BOP1: variants seen among roughly 807,000 people sequenced by gnomAD.
BOP1 encodes ribosome biogenesis protein BOP1.
A neutral mutation model predicts 82.9 loss-of-function variants in BOP1; 54 were observed. That is an observed-to-expected ratio of 0.65 (90% CI 0.52 to 0.82). The LOEUF (loss-of-function observed/expected upper bound fraction) is 0.82. BOP1 is among the 40% of genes least tolerant of loss of function. The probability of loss-of-function intolerance (pLI) is 0.00; values close to 1 mark genes in which losing one functional copy is unlikely to be tolerated. For synonymous variants in BOP1, 566 were observed against 451.1 expected (o/e 1.25, Z -3.23); for missense variants, 1,170 against 1,072.0 (o/e 1.09, Z -1.28).
intron 3 of BOP1, chr8:144,268,317 C>G: frequency 2.2e-6 from 2 of 902,928 alleles, no homozygotes; most frequent in Non-Finnish European, 3.3e-6. Context: ...CAGACAGGCG[C>G]CGGCAGCGGG....
intron 2 of BOP1, among the ~76,000 whole-genome samples, chr8:144,280,460 C>A (rs895739958): frequency 2.0e-5 from 3 of 152,278 alleles, no homozygotes. Flanking sequence ...AGCAACGCGG[C>A]CTGCCACCTG....
chr8:144,285,497 G>A (rs1814842309), intron 2 of BOP1, among the ~76,000 whole-genome samples: 1 of 152,214 alleles, frequency 6.6e-6, no homozygotes, highest in Non-Finnish European at 1.5e-5. Context: ...TCCTTCAGGG[G>A]CTGCCAGGCA....
chr8:144,266,938 C>T, intron 3 of BOP1: 1 of 1,559,734 alleles, frequency 6.4e-7, no homozygotes, highest in Non-Finnish European at 8.6e-7. Flanking sequence ...GCCCGCCGAC[C>T]GCAAGCTCTC....
chr8:144,280,669 A>G (rs1845654423), intron 2 of BOP1, among the ~76,000 whole-genome samples: 2 of 152,322 alleles, frequency 1.3e-5, no homozygotes, highest in East Asian at 1.9e-4. Context: ...ACTGGCCTAC[A>G]TGGAAAACCC....
chr8:144,279,308 G>A (rs1845632236), intron 2 of BOP1, among the ~76,000 whole-genome samples: 1 of 149,056 alleles, frequency 6.7e-6, no homozygotes, highest in Admixed American at 6.7e-5. Context: ...ATACCACCAT[G>A]GGCCCTGACG....
chr8:144,262,726 T>A, intron 13 of BOP1, 54 bp from the exon 14 acceptor site: 1 of 1,542,982 alleles, frequency 6.5e-7, no homozygotes, highest in Non-Finnish European at 8.8e-7. Context: ...CAGGGTGCAC[T>A]GCCCTGCCCG....
At chr8:144,287,977 A>G (rs1437797164) in intron 2 of BOP1, among the ~76,000 whole-genome samples, 1 of 152,018 alleles carries the variant, frequency 6.6e-6, no homozygotes, top group African/African-American at 2.4e-5. Context: ...TAGAGTAACA[A>G]ATGCTGGGCT....
At chr8:144,266,667 G>C (rs1292322320) in intron 3 of BOP1, 12 of 1,263,292 alleles carry the variant, frequency 9.5e-6, no homozygotes, top group Non-Finnish European at 1.2e-5. Flanking sequence ...TGTACCCCGA[G>C]GTGAGCCCGC....
At chr8:144,279,093 C>T (rs1427148866) in intron 2 of BOP1, among the ~76,000 whole-genome samples, 3 of 40,232 alleles carry the variant, frequency 7.5e-5, no homozygotes, top group African/African-American at 3.7e-4. Flanking sequence ...CCACCAAGGG[C>T]CATGACCGTC....
In BOP1 at chr8:144,264,500, G is replaced by A. The variant is rs1236581754; in HGVS notation, c.765+15C>T. Reference sequence around the variant, plus strand: ...CGGTCAGCCCAGGCCAAGCCCCAGGGGCTGTGTGCCCCACCTTCTCCTTCT... The same window carrying A: ...CGGTCAGCCCAGGCCAAGCCCCAGGAGCTGTGTGCCCCACCTTCTCCTTCT... On this transcript the variant is annotated intron_variant, in intron 6 of 15. Coordinates refer to ENST00000569669, the MANE Select transcript of BOP1 (RefSeq NM_015201.5). 3.7e-6 allele frequency: 6 copies of A among 1,609,298 alleles called. No homozygotes were observed. In the East Asian group the frequency reaches 6.7e-5, roughly 18 times the overall value.
At chr8:144,265,200 T>TTGA in intron 3 of BOP1, 129 bp from the exon 4 acceptor site, 3 of 1,092,938 alleles carry the variant, frequency 2.7e-6, no homozygotes, top group Non-Finnish European at 4.0e-6. Context: ...CTGAGGTCAC[T>TTGA]GGCCCTGACC....
At chr8:144,268,185 G>A in intron 3 of BOP1, 1 of 1,549,126 alleles carries the variant, frequency 6.5e-7, no homozygotes, top group Non-Finnish European at 8.7e-7. Flanking sequence ...TGCTGGGGGA[G>A]GTGGACGCCC....
chr8:144,267,656 A>G (rs1251005621), intron 3 of BOP1, among the ~76,000 whole-genome samples: 1 of 152,136 alleles, frequency 6.6e-6, no homozygotes, highest in Non-Finnish European at 1.5e-5. Flanking sequence ...TAGGCCGCAC[A>G]CCAAGACACC....
intron 3 of BOP1, chr8:144,266,966 G>T: frequency 6.4e-7 from 1 of 1,556,108 alleles, no homozygotes; most frequent in Non-Finnish European, 8.6e-7. Context: ...GAGACGCTGC[G>T]CCTGGCCTCC....
At chr8:144,287,254 T>C (rs958955935) in intron 2 of BOP1, among the ~76,000 whole-genome samples, 2 of 151,990 alleles carry the variant, frequency 1.3e-5, no homozygotes, top group Admixed American at 6.6e-5. Flanking sequence ...AGGTGATCCA[T>C]CCACCTTAGC....
At chr8:144,280,058 C>T (rs1295643903) in intron 2 of BOP1, among the ~76,000 whole-genome samples, 5 of 152,212 alleles carry the variant, frequency 3.3e-5, no homozygotes, top group East Asian at 3.9e-4. Context: ...CTGCTGCTTT[C>T]GGCCTGAACT....
At chr8:144,282,234 G>C (rs1424912746) in intron 2 of BOP1, among the ~76,000 whole-genome samples, 1 of 152,230 alleles carries the variant, frequency 6.6e-6, no homozygotes, top group African/African-American at 2.4e-5. Flanking sequence ...CCCGTGTCAG[G>C]GGTGCTGCAG....
intron 3 of BOP1, among the ~76,000 whole-genome samples, chr8:144,268,793 AGGCAGGGACAGGGAGGCAGC>A (rs1251330418): frequency 1.1e-4 from 17 of 151,866 alleles, no homozygotes; most frequent in African/African-American, 2.4e-4. Context: ...GGACGCTGTA[AGGCAGGGACAGGGAGGCAGC>A]GGCAGGGACA....
chr8:144,266,939 G>A (rs1461483498), intron 3 of BOP1: 2 of 1,558,758 alleles, frequency 1.3e-6, no homozygotes, highest in African/African-American at 1.4e-5. Context: ...CCCGCCGACC[G>A]CAAGCTCTCC....
Sources: gnomAD v4.1 joint callset for allele counts (sites outside exome capture counted in the v4.1 genomes callset) on GRCh38, gnomAD v4.1.1 for gene constraint, MANE v1.5 for transcripts, NCBI Gene and HGNC (gene_info 2026-07-23, HGNC 2026-07-21) for gene names.